The following FILIP1L variants were observed in gnomAD, a reference collection of about 807,000 sequenced individuals.
FILIP1L encodes the protein filamin A interacting protein 1 like, also known as filamin A-interacting protein 1-like.
A neutral mutation model predicts 96.6 loss-of-function variants in FILIP1L; 55 were observed. That is an observed-to-expected ratio of 0.57 (90% CI 0.46 to 0.71). The LOEUF is 0.71. Ranked by LOEUF, FILIP1L falls within the 30% of genes least tolerant of loss-of-function variation. FILIP1L has a pLI of 0.00. For missense variants in FILIP1L, 1,304 were observed against 1,321.2 expected (o/e 0.99, Z 0.20); for synonymous variants, 467 against 473.9 (o/e 0.99, Z 0.19).
At chr3:100,033,413 C>A (rs530095841) in intron 1 of FILIP1L, among the ~76,000 whole-genome samples, 18 of 152,304 alleles carry the variant, frequency 1.2e-4, no homozygotes, top group African/African-American at 4.1e-4. Flanking sequence ...ATTCCCAAAT[C>A]CCCTTTGAAA....
intron 1 of FILIP1L, among the ~76,000 whole-genome samples, chr3:100,017,218 G>A (rs777728375): frequency 2.6e-5 from 4 of 152,040 alleles, no homozygotes; most frequent in Non-Finnish European, 5.9e-5. Flanking sequence ...AAAATGAATC[G>A]AGTGCTGGAG....
intron 1 of FILIP1L, among the ~76,000 whole-genome samples, chr3:100,034,846 T>C (rs1173526967): frequency 3.3e-5 from 5 of 152,214 alleles, no homozygotes; most frequent in African/African-American, 1.2e-4. Flanking sequence ...AAACGGTATA[T>C]ACATACGAAT....
At chr3:99,985,405 G>A (rs775742266) in intron 1 of FILIP1L, among the ~76,000 whole-genome samples, 10 of 151,974 alleles carry the variant, frequency 6.6e-5, no homozygotes, top group South Asian at 2.1e-4. Flanking sequence ...GGTGGTGCAC[G>A]CCTGTGGTAC....
intron 1 of FILIP1L, among the ~76,000 whole-genome samples, chr3:100,010,612 C>CTT (rs71625546): frequency 2.4e-3 from 334 of 141,498 alleles, no homozygotes; most frequent in East Asian, 0.011. Flanking sequence ...GTTTTTCTTT[C>CTT]TTTTTTTTTT....
At chr3:100,086,421 GA>G (rs374149787) in intron 1 of FILIP1L, among the ~76,000 whole-genome samples, 2,487 of 151,810 alleles carry the variant, frequency 0.016, 42 homozygotes, top group African/African-American at 0.037. Context: ...CATAAAGGGG[GA>G]AAAAAAATCC....
intron 1 of FILIP1L, among the ~76,000 whole-genome samples, chr3:99,947,885 C>A (rs1390289476): frequency 6.6e-6 from 1 of 151,670 alleles, no homozygotes; most frequent in Non-Finnish European, 1.5e-5. Flanking sequence ...TTTATTTGCA[C>A]ATTTTTTCCT....
intron 1 of FILIP1L, among the ~76,000 whole-genome samples, chr3:99,959,431 T>C (rs1441854442): frequency 1.3e-5 from 2 of 152,258 alleles, no homozygotes; most frequent in Non-Finnish European, 2.9e-5. Flanking sequence ...ATTACAGGCG[T>C]GAGCCACCGG....
intron 1 of FILIP1L, among the ~76,000 whole-genome samples, chr3:99,993,254 TA>T (rs1559717785): frequency 6.6e-6 from 1 of 152,102 alleles, no homozygotes; most frequent in Admixed American, 6.5e-5. Flanking sequence ...TACATTTTAA[TA>T]ATATTGATTC....
chr3:100,094,153 G>C lies in FILIP1L; in HGVS notation c.-11+19900C>G, dbSNP rs372577257. Among the ~76,000 whole-genome samples, 13 of 152,136 alleles carry C rather than the reference G, an allele frequency of 8.5e-5. No homozygotes were observed. The South Asian group carries it at 1.2e-3, about 15-fold the overall frequency. On this transcript the variant is annotated intron_variant, in intron 1 of 5. Coordinates refer to ENST00000477258, the MANE Select transcript of FILIP1L (RefSeq NM_001387850.1). ...TAGATGTGTAGTGATATTTCATTTT[G>C]ATTTTCATTTGCATTTCCCTAGCAG...
intron 4 of FILIP1L, among the ~76,000 whole-genome samples, chr3:99,897,348 G>T (rs766617211): frequency 6.6e-6 from 1 of 151,538 alleles, no homozygotes; most frequent in Non-Finnish European, 1.5e-5. Flanking sequence ...CAGCCTGGGG[G>T]ACAAGAGCTA....
intron 5 of FILIP1L, among the ~76,000 whole-genome samples, chr3:99,832,344 C>T (rs1299647032): frequency 1.3e-5 from 2 of 151,042 alleles, no homozygotes; most frequent in Non-Finnish European, 3.0e-5. Flanking sequence ...CATTCTCCTG[C>T]CTCAGCCTCC....
chr3:100,024,504 G>A (rs1030705714), intron 1 of FILIP1L, among the ~76,000 whole-genome samples: 10 of 152,042 alleles, frequency 6.6e-5, no homozygotes, highest in Non-Finnish European at 1.3e-4. Context: ...GGTCTCCTTA[G>A]ACTATTCAAT....
chr3:99,962,494 C>G (rs971052529), intron 1 of FILIP1L, among the ~76,000 whole-genome samples: 2 of 152,122 alleles, frequency 1.3e-5, no homozygotes, highest in African/African-American at 4.8e-5. Context: ...AGATATAGCT[C>G]TTTCAGTAGC....
chr3:100,099,525 C>A (rs183977565), intron 1 of FILIP1L, among the ~76,000 whole-genome samples: 1 of 152,072 alleles, frequency 6.6e-6, no homozygotes, highest in Non-Finnish European at 1.5e-5. Context: ...GTATTTGTAT[C>A]GGTCTAATTA....
At chr3:100,060,253 G>C (rs1231313049) in intron 1 of FILIP1L, among the ~76,000 whole-genome samples, 1 of 152,020 alleles carries the variant, frequency 6.6e-6, no homozygotes, top group Non-Finnish European at 1.5e-5. Context: ...AATCTACTGG[G>C]AGGTAAAGGA....
chr3:100,048,193 G>T (rs1422719396), intron 1 of FILIP1L, among the ~76,000 whole-genome samples: 1 of 152,162 alleles, frequency 6.6e-6, no homozygotes, highest in Admixed American at 6.5e-5. Flanking sequence ...TCAGGGAAGG[G>T]GACAGATAGG....
chr3:99,945,364 T>C (rs1222288703), intron 1 of FILIP1L, among the ~76,000 whole-genome samples: 1 of 152,116 alleles, frequency 6.6e-6, no homozygotes, highest in Non-Finnish European at 1.5e-5. Flanking sequence ...TCAGACTCTC[T>C]GAGGTCTGTG....
At chr3:99,855,381 A>AAT (rs1451626835) in intron 4 of FILIP1L, among the ~76,000 whole-genome samples, 3 of 152,116 alleles carry the variant, frequency 2.0e-5, no homozygotes, top group East Asian at 3.9e-4. Flanking sequence ...CAAAGACTAA[A>AAT]ATATATATAT....
intron 4 of FILIP1L, among the ~76,000 whole-genome samples, chr3:99,906,530 A>G (rs1329472181): frequency 6.6e-6 from 1 of 152,228 alleles, no homozygotes; most frequent in Admixed American, 6.5e-5. Context: ...TTATTTCAAT[A>G]AAGTCTTACT....
Sources: allele counts gnomAD v4.1 joint callset (sites outside exome capture counted in the v4.1 genomes callset), GRCh38; gene constraint gnomAD v4.1.1; transcripts MANE v1.5; gene names NCBI Gene and HGNC (gene_info 2026-07-23, HGNC 2026-07-21).